TOMM70: variants seen among roughly 807,000 people sequenced by gnomAD.
The protein encoded by TOMM70 is mitochondrial import receptor subunit TOM70.
A neutral mutation model predicts 73.6 loss-of-function variants in TOMM70; 13 were observed. The ratio of observed to expected loss-of-function variants is 0.18; its 90% CI spans 0.11 to 0.28. TOMM70 has a LOEUF of 0.28. Ranked by LOEUF, TOMM70 falls within the 10% of genes least tolerant of loss-of-function variation. The probability of loss-of-function intolerance (pLI) is 1.00; values close to 1 mark genes in which losing one functional copy is unlikely to be tolerated. For synonymous variants in TOMM70, 257 were observed against 271.2 expected, an observed-to-expected ratio of 0.95 and a Z score of 0.51; for missense variants, 609 against 747.5, an observed-to-expected ratio of 0.81 and a Z score of 2.16.
At chr3:100,386,765 A>T in intron 2 of TOMM70, 40 bp downstream of exon 2, 1 of 1,580,460 alleles carries the variant, frequency 6.3e-7, no homozygotes, top group Non-Finnish European at 8.5e-7. Flanking sequence ...GCAAATAAAG[A>T]GAAAGAAAAG....
At chr3:100,367,457 T>C (rs886365121) in intron 11 of TOMM70, among the ~76,000 whole-genome samples, 1 of 152,188 alleles carries the variant, frequency 6.6e-6, no homozygotes, top group Non-Finnish European at 1.5e-5. Flanking sequence ...GTCTTCTCTA[T>C]TGGCTTACTG....
chr3:100,366,888 A>C (rs534737229), intron 11 of TOMM70, among the ~76,000 whole-genome samples: 1 of 152,364 alleles, frequency 6.6e-6, no homozygotes, highest in African/African-American at 2.4e-5. Context: ...CTATTCTAGT[A>C]CAAGAATATT....
chr3:100,383,822 C>T (rs1012782101), intron 4 of TOMM70, among the ~76,000 whole-genome samples: 2 of 152,174 alleles, frequency 1.3e-5, no homozygotes, highest in Non-Finnish European at 2.9e-5. Flanking sequence ...ACTCTCTTTA[C>T]TTACATCTCA....
intron 5 of TOMM70, among the ~76,000 whole-genome samples, chr3:100,378,239 T>G (rs569887908): frequency 2.0e-5 from 3 of 150,286 alleles, no homozygotes; most frequent in Non-Finnish European, 4.4e-5. Flanking sequence ...CAAGACTCCA[T>G]CTCAAAAAAA....
At chr3:100,377,575 G>A (rs277633) in intron 6 of TOMM70, 130 bp downstream of exon 6, 69,811 of 724,954 alleles carry the variant, frequency 0.096, 8,332 homozygotes, top group East Asian at 0.46. Flanking sequence ...ATTATTAAGA[G>A]TAGTTTCTTC....
intron 1 of TOMM70, among the ~76,000 whole-genome samples, chr3:100,398,075 C>T (rs1706845556): frequency 6.6e-6 from 1 of 151,934 alleles, no homozygotes; most frequent in African/African-American, 2.4e-5. Context: ...TGGCTGAAAC[C>T]ACAATGAAAT....
chr3:100,382,770 A>G (rs1315252104), intron 4 of TOMM70, among the ~76,000 whole-genome samples: 3 of 152,216 alleles, frequency 2.0e-5, no homozygotes, highest in Non-Finnish European at 4.4e-5. Flanking sequence ...ATAAATTTAA[A>G]GTGAAAATAA....
At chr3:100,367,853 AG>A (rs1472685473) in intron 11 of TOMM70, among the ~76,000 whole-genome samples, 190 bp downstream of exon 11, 5 of 152,184 alleles carry the variant, frequency 3.3e-5, no homozygotes, top group African/African-American at 1.2e-4. Context: ...TCTTTGGAGG[AG>A]GGTCCAGATT....
At chr3:100,366,559 C>A (rs1470632546) in intron 11 of TOMM70, among the ~76,000 whole-genome samples, 2 of 152,128 alleles carry the variant, frequency 1.3e-5, no homozygotes, top group African/African-American at 2.4e-5. Flanking sequence ...TATATGGCAA[C>A]GTGATAGGCT....
chr3:100,373,115 T>G (rs566191135), intron 8 of TOMM70, among the ~76,000 whole-genome samples: 1 of 150,998 alleles, frequency 6.6e-6, no homozygotes, highest in East Asian at 1.9e-4. Flanking sequence ...ACTGGAAGTA[T>G]CTTATTTTAC....
chr3:100,380,313 A>G (rs941140018), intron 5 of TOMM70, among the ~76,000 whole-genome samples: 1 of 151,978 alleles, frequency 6.6e-6, no homozygotes, highest in Admixed American at 6.6e-5. Context: ...CCACCACTGC[A>G]CTCTAGCCTA....
chr3:100,369,863 T>A (rs1156517207), intron 9 of TOMM70, among the ~76,000 whole-genome samples: 1 of 152,208 alleles, frequency 6.6e-6, no homozygotes, highest in African/African-American at 2.4e-5. Context: ...GTGTTAAATG[T>A]CTTCAGAGCT....
At chr3:100,373,142 TAAAA>T (rs58081220) in intron 8 of TOMM70, among the ~76,000 whole-genome samples, 4 of 135,024 alleles carry the variant, frequency 3.0e-5, no homozygotes, top group Admixed American at 2.2e-4. Context: ...AATTTTTACT[TAAAA>T]AAAAAAAAAA....
intron 6 of TOMM70, 24 bp from the exon 7 acceptor site, chr3:100,375,176 G>T: frequency 1.3e-6 from 2 of 1,518,080 alleles, no homozygotes; most frequent in Non-Finnish European, 1.8e-6. Context: ...GTGAGGAAAG[G>T]TTCATCATTA....
chr3:100,381,636 T>C lies in TOMM70; in HGVS notation c.863A>G (p.Glu288Gly). The C allele has an allele frequency of 6.2e-7, 1 of 1,613,202 alleles. No homozygotes were observed. Among genetic ancestry groups the C allele is most frequent in the Non-Finnish European group, 8.5e-7 (1 of 1,179,452 alleles). ...TTACTTTTCTTTCACTTCTAAAGCC[T>C]CCCCTTCCTTGTCTTTATCTTCATC... ...KSDEDKDKEG[E>G]ALEVKENSGY... The change falls in exon 5 of 12, where the codon GAG becomes GGG. Residue 288 changes from glutamate to glycine, a missense_variant. By Grantham distance (98) the Glu-to-Gly change is moderately conservative. Around this residue, in one of 2 missense-constraint regions of TOMM70, gnomAD observed 432 missense variants for 584.1 expected, o/e 0.74. Transcript: ENST00000284320.
At chr3:100,400,025 T>C (rs1184030467) in intron 1 of TOMM70, among the ~76,000 whole-genome samples, 1 of 152,148 alleles carries the variant, frequency 6.6e-6, no homozygotes, top group Non-Finnish European at 1.5e-5. Context: ...CTGCTTACAG[T>C]TCAGAGGCTG....
chr3:100,399,250 G>T (rs1001575103), intron 1 of TOMM70, among the ~76,000 whole-genome samples: 1 of 150,406 alleles, frequency 6.6e-6, no homozygotes, highest in Admixed American at 6.6e-5. Context: ...CTGCACTCCA[G>T]CCTGGGCAAC....
chr3:100,382,430 T>C (rs1055087467), intron 4 of TOMM70, among the ~76,000 whole-genome samples: 5 of 152,134 alleles, frequency 3.3e-5, no homozygotes, highest in African/African-American at 9.7e-5. Flanking sequence ...AAAAGTGGGA[T>C]AGAAAGAGAA....
At chr3:100,383,536 ACAG>A (rs1706659734) in intron 4 of TOMM70, among the ~76,000 whole-genome samples, 1 of 149,440 alleles carries the variant, frequency 6.7e-6, no homozygotes, top group Non-Finnish European at 1.5e-5. Context: ...AAAAAAAAAA[ACAG>A]AGAGAGAGAC....
Sources: allele counts gnomAD v4.1 joint callset (sites outside exome capture counted in the v4.1 genomes callset), GRCh38; gene constraint gnomAD v4.1.1; regional missense constraint gnomAD v4.1.1; transcripts MANE v1.5; gene names NCBI Gene and HGNC (gene_info 2026-07-23, HGNC 2026-07-21).